Variants in UBE2G1 observed in about 807,000 individuals in gnomAD.
The protein encoded by UBE2G1 is ubiquitin conjugating enzyme E2 G1, also known as ubiquitin-conjugating enzyme E2 G1.
A neutral mutation model predicts 22.7 loss-of-function variants in UBE2G1; 5 were observed. That is an observed-to-expected ratio of 0.22 (90% CI 0.12 to 0.46). UBE2G1 has a LOEUF of 0.46. Ranked by LOEUF, UBE2G1 falls within the 20% of genes least tolerant of loss-of-function variation. The pLI, the probability that UBE2G1 is intolerant of heterozygous loss-of-function variation, is 0.99. For missense variants in UBE2G1, 88 were observed against 203.9 expected (o/e 0.43, Z 3.46); for synonymous variants, 74 against 67.5 (o/e 1.10, Z -0.47).
intron 1 of UBE2G1, among the ~76,000 whole-genome samples, chr17:4,340,906 A>AC (rs1567527518): frequency 6.6e-6 from 1 of 150,732 alleles, no homozygotes; most frequent in Non-Finnish European, 1.5e-5. Flanking sequence ...AAAAAAAAAA[A>AC]AAAAAACAAA....
At chr17:4,304,953 CT>C (rs554912028) in intron 2 of UBE2G1, among the ~76,000 whole-genome samples, 4,664 of 137,004 alleles carry the variant, frequency 0.034, 75 homozygotes, top group Middle Eastern at 0.049. Flanking sequence ...TTTTTAAGAA[CT>C]TTTTTTTTTT....
intron 1 of UBE2G1, among the ~76,000 whole-genome samples, chr17:4,320,508 C>T (rs901868197): frequency 6.6e-6 from 1 of 152,136 alleles, no homozygotes; most frequent in Admixed American, 6.6e-5. Flanking sequence ...GATTTCAGCC[C>T]GCATGCATGC....
intron 1 of UBE2G1, among the ~76,000 whole-genome samples, chr17:4,322,568 C>T (rs1233048256): frequency 6.6e-6 from 1 of 152,178 alleles, no homozygotes; most frequent in Non-Finnish European, 1.5e-5. Flanking sequence ...GCATCTTGTA[C>T]ATGATCTTCT....
intron 5 of UBE2G1, among the ~76,000 whole-genome samples, chr17:4,274,723 C>T (rs564147803): frequency 2.3e-4 from 35 of 152,072 alleles, no homozygotes; most frequent in Non-Finnish European, 4.3e-4. Flanking sequence ...TATGCACATA[C>T]ATATTTTTAT....
chr17:4,330,917 A>C (rs1157984392), intron 1 of UBE2G1, among the ~76,000 whole-genome samples: 2 of 151,716 alleles, frequency 1.3e-5, no homozygotes, highest in Non-Finnish European at 2.9e-5. Context: ...AAATTTCTAA[A>C]TGCCAAAATA....
At chr17:4,346,823 A>C (rs1660959333) in intron 1 of UBE2G1, among the ~76,000 whole-genome samples, 1 of 152,106 alleles carries the variant, frequency 6.6e-6, no homozygotes. Flanking sequence ...CTGAGTATCT[A>C]TATATGCCCA....
At chr17:4,330,080 C>CTAGT (rs1392251011) in intron 1 of UBE2G1, among the ~76,000 whole-genome samples, 2 of 151,880 alleles carry the variant, frequency 1.3e-5, no homozygotes, top group African/African-American at 4.9e-5. Flanking sequence ...ACGTAAAAGA[C>CTAGT]TAGTTTAGCT....
chr17:4,365,919 G>C (rs1970028686), intron 1 of UBE2G1, among the ~76,000 whole-genome samples: 1 of 152,060 alleles, frequency 6.6e-6, no homozygotes, highest in Non-Finnish European at 1.5e-5. Flanking sequence ...GGCAGCACCT[G>C]AACCCGGGAC....
chr17:4,327,854 A>G (rs1030702772), intron 1 of UBE2G1, among the ~76,000 whole-genome samples: 18 of 152,198 alleles, frequency 1.2e-4, no homozygotes, highest in Admixed American at 1.3e-4. Context: ...CTCCCAATAC[A>G]GTACTCAGCA....
chr17:4,338,196 G>A (rs1969671648), intron 1 of UBE2G1, among the ~76,000 whole-genome samples: 1 of 150,546 alleles, frequency 6.6e-6, no homozygotes, highest in Non-Finnish European at 1.5e-5. Flanking sequence ...AAACAACTTA[G>A]GCGCTATATT....
At chr17:4,317,768 G>C (rs560756047) in intron 1 of UBE2G1, among the ~76,000 whole-genome samples, 3 of 152,102 alleles carry the variant, frequency 2.0e-5, no homozygotes, top group East Asian at 1.9e-4. Flanking sequence ...CAGGCGTCAG[G>C]GTTCTTCAAT....
intron 1 of UBE2G1, among the ~76,000 whole-genome samples, chr17:4,350,414 G>A (rs1453043262): frequency 1.3e-5 from 2 of 152,002 alleles, no homozygotes; most frequent in South Asian, 2.1e-4. Flanking sequence ...AGCTGAGATT[G>A]TGCCACTGCA....
chr17:4,327,024 G>A (rs752228111), intron 1 of UBE2G1, among the ~76,000 whole-genome samples: 5 of 152,146 alleles, frequency 3.3e-5, no homozygotes, highest in South Asian at 2.1e-4. Context: ...GGCCAGGCAC[G>A]GTGGCTCACG....
At chr17:4,365,534 C>T (rs1382237857) in intron 1 of UBE2G1, among the ~76,000 whole-genome samples, 1 of 152,154 alleles carries the variant, frequency 6.6e-6, no homozygotes, top group African/African-American at 2.4e-5. Context: ...GTTTGCAGGC[C>T]TGCGCAGCAG....
intron 1 of UBE2G1, among the ~76,000 whole-genome samples, chr17:4,311,781 A>G (rs1281004088): frequency 1.3e-5 from 2 of 152,194 alleles, no homozygotes; most frequent in Non-Finnish European, 2.9e-5. Context: ...CATTACCTAT[A>G]ATGTCAATTC....
At chr17:4,366,118 G>T (rs971749695) in intron 1 of UBE2G1, among the ~76,000 whole-genome samples, 153 bp downstream of exon 1, 2 of 152,162 alleles carry the variant, frequency 1.3e-5, no homozygotes, top group African/African-American at 4.8e-5. Flanking sequence ...GAGAACGGCT[G>T]GGCCCGGCCG....
At chr17:4,315,550 C>T (rs1835965393) in intron 1 of UBE2G1, among the ~76,000 whole-genome samples, 1 of 151,640 alleles carries the variant, frequency 6.6e-6, no homozygotes, top group Non-Finnish European at 1.5e-5. Context: ...ACCATCTTGG[C>T]TAACACCGTG....
At chr17:4,359,608 C>T (rs997971210) in intron 1 of UBE2G1, among the ~76,000 whole-genome samples, 3 of 152,316 alleles carry the variant, frequency 2.0e-5, no homozygotes, top group African/African-American at 4.8e-5. Context: ...CGATGGCTCA[C>T]GCCTGTAATC....
chr17:4,301,622 G>A, intron 2 of UBE2G1: 1 of 963,342 alleles, frequency 1.0e-6, no homozygotes, highest in African/African-American at 1.6e-5. Flanking sequence ...GAATATGATG[G>A]GGCACAATTA....
Sources: allele counts gnomAD v4.1 joint callset (sites outside exome capture counted in the v4.1 genomes callset), GRCh38; gene constraint gnomAD v4.1.1; transcripts MANE v1.5; gene names NCBI Gene and HGNC (gene_info 2026-07-23, HGNC 2026-07-21).